PHACTR1: variants seen among roughly 807,000 people sequenced by gnomAD.
PHACTR1 encodes phosphatase and actin regulator 1.
A neutral mutation model predicts 69.2 loss-of-function variants in PHACTR1; 16 were observed. The ratio of observed to expected loss-of-function variants is 0.23; its 90% CI spans 0.16 to 0.35. PHACTR1 has a LOEUF of 0.35. PHACTR1 is among the 10% of genes least tolerant of loss of function. PHACTR1 has a pLI of 1.00. For synonymous variants in PHACTR1, 312 were observed against 284.5 expected (o/e 1.10, Z -0.97); for missense variants, 510 against 734.7 (o/e 0.69, Z 3.54).
chr6:12,956,763 T>A (rs546709201), intron 4 of PHACTR1, among the ~76,000 whole-genome samples: 1 of 152,170 alleles, frequency 6.6e-6, no homozygotes, highest in Non-Finnish European at 1.5e-5. Flanking sequence ...AGGTTTTATT[T>A]GCACATGTTT....
At chr6:13,271,013 TTC>T (rs1376182708) in intron 10 of PHACTR1, among the ~76,000 whole-genome samples, 3 of 144,340 alleles carry the variant, frequency 2.1e-5, no homozygotes, top group African/African-American at 7.6e-5. Flanking sequence ...CTTTTTTTTT[TTC>T]TTTTTTTTTT....
chr6:13,186,469 A>G (rs965189661), intron 7 of PHACTR1, among the ~76,000 whole-genome samples: 2 of 152,210 alleles, frequency 1.3e-5, no homozygotes, highest in African/African-American at 4.8e-5. Context: ...AACAACTGCA[A>G]CAGCCTGCAT....
chr6:12,896,284 T>C (rs537171277), intron 4 of PHACTR1, among the ~76,000 whole-genome samples: 6 of 152,328 alleles, frequency 3.9e-5, no homozygotes, highest in African/African-American at 1.4e-4. Context: ...TAGGCTTCAA[T>C]TGTAGGGCAG....
intron 4 of PHACTR1, among the ~76,000 whole-genome samples, chr6:12,751,747 C>G (rs1766643799): frequency 6.6e-6 from 1 of 152,172 alleles, no homozygotes; most frequent in South Asian, 2.1e-4. Context: ...ATAAGCCAGA[C>G]AAGCACTCAG....
chr6:13,099,286 T>C (rs972234533), intron 5 of PHACTR1, among the ~76,000 whole-genome samples: 4 of 152,262 alleles, frequency 2.6e-5, no homozygotes, highest in African/African-American at 9.6e-5. Context: ...ATGTCTCCTC[T>C]TCTGATGATC....
intron 10 of PHACTR1, among the ~76,000 whole-genome samples, chr6:13,255,648 A>C (rs1036087228): frequency 6.6e-6 from 1 of 152,266 alleles, no homozygotes; most frequent in Non-Finnish European, 1.5e-5. Context: ...GAAAGGGGCT[A>C]CAGGCCCCAT....
chr6:12,986,323 G>A (rs145748841), intron 4 of PHACTR1, among the ~76,000 whole-genome samples: 6 of 152,290 alleles, frequency 3.9e-5, no homozygotes, highest in Non-Finnish European at 8.8e-5. Context: ...ACACATAGTT[G>A]TGTATTGTGG....
At chr6:12,838,932 T>TTGATGC (rs1479827868) in intron 4 of PHACTR1, among the ~76,000 whole-genome samples, 9 of 152,230 alleles carry the variant, frequency 5.9e-5, no homozygotes, top group Admixed American at 5.9e-4. Flanking sequence ...TATAAGGCTG[T>TTGATGC]TGCTGCTGCT....
At chr6:13,226,248 C>A (rs1769666792) in intron 8 of PHACTR1, among the ~76,000 whole-genome samples, 1 of 151,904 alleles carries the variant, frequency 6.6e-6, no homozygotes, top group Admixed American at 6.6e-5. Context: ...GTGAAAAATA[C>A]AAAGAGAAAA....
intron 4 of PHACTR1, among the ~76,000 whole-genome samples, chr6:12,768,109 C>CTTTTTTTTTT (rs781107897): frequency 1.9e-5 from 2 of 107,568 alleles, no homozygotes; most frequent in African/African-American, 3.6e-5. Flanking sequence ...CTATCAAATC[C>CTTTTTTTTTT]TTTTTTTTTT....
At chr6:13,231,216 AAAAGAAAGAAGG>A (rs1468318308) in intron 10 of PHACTR1, among the ~76,000 whole-genome samples, 3 of 145,920 alleles carry the variant, frequency 2.1e-5, no homozygotes, top group Non-Finnish European at 4.5e-5. Context: ...GAAGGAAGGG[AAAAGAAAGAAGG>A]AAAGAGAGAA....
intron 5 of PHACTR1, among the ~76,000 whole-genome samples, chr6:13,154,457 C>G (rs1299624783): frequency 1.2e-4 from 19 of 152,198 alleles, no homozygotes; most frequent in Admixed American, 1.2e-3. Context: ...CGTGCCCAGC[C>G]TGCCGTGTAT....
chr6:13,149,128 T>C (rs540903560), intron 5 of PHACTR1, among the ~76,000 whole-genome samples: 2 of 152,202 alleles, frequency 1.3e-5, no homozygotes, highest in East Asian at 3.9e-4. Flanking sequence ...CGAGCTGACC[T>C]CCCTGGTGCC....
rs1554122443 is a variant in PHACTR1, at chr6:13,077,187, A to AAAG, written c.415+23660_415+23661insGAA. On this transcript the variant is annotated intron_variant, in intron 5 of 14. Transcript: ENST00000332995. Reference sequence around the variant, plus strand: ...AAATGATGCAAGCAAAAAAAAAAAAAAAAGTGATTGCATGCTTATGTGTCT... The same window carrying AAAG: ...AAATGATGCAAGCAAAAAAAAAAAAAAAGAAAGTGATTGCATGCTTATGTGTCT... 4.5e-3 allele frequency among the ~76,000 whole-genome samples: 671 copies of AAAG among 147,804 alleles called. 6 individuals are homozygous for AAAG. The highest frequency in any genetic ancestry group is 0.017 in the Middle Eastern group (5 of 288).
At position 12,949,257 on chromosome 6, in the gene PHACTR1, G is replaced by T. The variant is rs770867856; in HGVS notation, c.251-104108G>T. Among the ~76,000 whole-genome samples the T allele has an allele frequency of 9.2e-5, 9 of 97,940 alleles. No homozygotes were observed. The Admixed American group carries it at 1.0e-3, about 11-fold the overall frequency. 64.3% of individuals were successfully genotyped at this position (97,940 alleles called of 152,430 possible). A position where few individuals can be genotyped will look rare whatever the true frequency, so the allele number is the denominator to read the frequency against. ...GCACTGCAGCCTGGGCAACAAGAGC[G>T]AAACGTCATCTCAAAAAAAAAAAAA... On this transcript the variant is annotated intron_variant, in intron 4 of 14. Coordinates refer to ENST00000332995, the MANE Select transcript of PHACTR1 (RefSeq NM_030948.6).
chr6:12,767,115 T>C (rs1768724893), intron 4 of PHACTR1, among the ~76,000 whole-genome samples: 1 of 152,194 alleles, frequency 6.6e-6, no homozygotes, highest in Non-Finnish European at 1.5e-5. Context: ...GTCAGGTGGG[T>C]CAGCGTCCCA....
intron 6 of PHACTR1, among the ~76,000 whole-genome samples, chr6:13,168,721 C>G (rs1350757786): frequency 6.6e-6 from 1 of 151,974 alleles, no homozygotes; most frequent in African/African-American, 2.4e-5. Context: ...AAGAATCATG[C>G]TAGAGAAGAT....
At position 13,042,018 on chromosome 6, in the gene PHACTR1, A is replaced by G. The variant is rs1804260482; in HGVS notation, c.251-11347A>G. The stretch of plus-strand genomic sequence containing the variant: ...AGACCTTAATGGTGTCCCACAAAAA[A>G]ACACTATCCAACCATATTTGTGATT... On this transcript the variant is annotated intron_variant, in intron 4 of 14. Transcript: ENST00000332995. Among the ~76,000 whole-genome samples, 3 of 152,338 alleles carry G rather than the reference A, an allele frequency of 2.0e-5. 1 individual carries two copies. The Middle Eastern group carries it at 0.01, about 518-fold the overall frequency.
intron 5 of PHACTR1, among the ~76,000 whole-genome samples, chr6:13,146,133 T>A (rs753990658): frequency 6.6e-6 from 1 of 152,226 alleles, no homozygotes; most frequent in Non-Finnish European, 1.5e-5. Context: ...ATGTAACATC[T>A]TCTTTATCTG....
Sources: gnomAD v4.1 joint callset for allele counts (sites outside exome capture counted in the v4.1 genomes callset) on GRCh38, gnomAD v4.1.1 for gene constraint, MANE v1.5 for transcripts, NCBI Gene and HGNC (gene_info 2026-07-23, HGNC 2026-07-21) for gene names.